Variants in SMU1 observed in about 807,000 individuals in gnomAD.
SMU1 encodes WD40 repeat-containing protein SMU1.
A neutral mutation model predicts 62.0 loss-of-function variants in SMU1; 2 were observed. The observed-to-expected ratio is 0.03, with a 90% CI of 0.01 to 0.10. The LOEUF (loss-of-function observed/expected upper bound fraction) is 0.10. Among genes scored for constraint, SMU1 ranks in the 10% least tolerant of loss-of-function variants. The pLI, the probability that SMU1 is intolerant of heterozygous loss-of-function variation, is 1.00. For synonymous variants in SMU1, 188 were observed against 212.4 expected (o/e 0.89, Z 1.00); for missense variants, 227 against 622.1 (o/e 0.36, Z 6.76).
intron 2 of SMU1, among the ~76,000 whole-genome samples, chr9:33,072,811 A>G (rs560552625): frequency 6.7e-6 from 1 of 148,364 alleles, no homozygotes; most frequent in South Asian, 2.1e-4. Flanking sequence ...CCTGGGTAAC[A>G]CAGTGAGACT....
chr9:33,062,974 T>A (rs1167030894), intron 4 of SMU1, among the ~76,000 whole-genome samples: 1 of 152,158 alleles, frequency 6.6e-6, no homozygotes, highest in East Asian at 1.9e-4. Context: ...GGTGAAATAA[T>A]GAACTTTGGA....
Position 33,047,077 on chromosome 9 carries a change from T to G in SMU1, c.*216A>C. ...AAGATTAATGAAAACATTAAGTGAC[T>G]GCACCAGTTAGAAGAAGATAAACTA... On this transcript the variant is annotated 3_prime_UTR_variant, in exon 12 of 12. Coordinates refer to ENST00000397149, the MANE Select transcript of SMU1 (RefSeq NM_018225.3). 1 of 418,334 alleles carries G rather than the reference T, an allele frequency of 2.4e-6. No homozygotes were observed. Among genetic ancestry groups the G allele is most frequent in the South Asian group, 3.8e-5 (1 of 26,562 alleles). The allele number at this position is 418,334 out of a possible 1,614,324, so 25.9% of individuals were successfully genotyped here.
intron 8 of SMU1, among the ~76,000 whole-genome samples, chr9:33,056,544 A>T (rs143409221): frequency 3.3e-4 from 50 of 152,306 alleles, no homozygotes; most frequent in Non-Finnish European, 6.5e-4. Context: ...CCTTTAGAGT[A>T]TAACAGACCC....
rs779722357 is a variant in SMU1, at chr9:33,068,854, A to G, written c.471T>C (p.Pro157=). ...CCAGCAATGCCATGAGACGAGATGGAGGCACCACACTGACTTCGCCAGCTA... is the reference window on the plus strand; with the variant it reads ...CCAGCAATGCCATGAGACGAGATGGGGGCACCACACTGACTTCGCCAGCTA... ...QALAGEVSVV[P]PSRLMALLGQ... The change falls in exon 4 of 12, where the codon CCT becomes CCC. Residue 157 remains proline, a synonymous_variant. Coordinates refer to ENST00000397149, the MANE Select transcript of SMU1 (RefSeq NM_018225.3). The G allele has an allele frequency of 6.2e-6, 10 of 1,614,020 alleles. No homozygotes were observed. The South Asian group carries it at 1.1e-4, about 18-fold the overall frequency.
intron 10 of SMU1, among the ~76,000 whole-genome samples, chr9:33,051,120 C>CAAAAA (rs1225817487): frequency 2.6e-5 from 1 of 37,926 alleles, no homozygotes; most frequent in African/African-American, 9.4e-5. Flanking sequence ...GACTCTGTCT[C>CAAAAA]AAAAAAAAAA....
At chr9:33,070,488 A>T (rs920104491) in intron 3 of SMU1, among the ~76,000 whole-genome samples, 1 of 152,230 alleles carries the variant, frequency 6.6e-6, no homozygotes, top group Non-Finnish European at 1.5e-5. Context: ...TCCTCAAAAA[A>T]TTAAACATGG....
intron 5 of SMU1, among the ~76,000 whole-genome samples, 178 bp from the exon 6 acceptor site, chr9:33,060,762 TCTGA>T (rs1421468914): frequency 1.3e-5 from 2 of 152,244 alleles, no homozygotes; most frequent in Non-Finnish European, 1.5e-5. Context: ...TGTATTTTTC[TCTGA>T]CTTAGTTTTA....
intron 5 of SMU1, among the ~76,000 whole-genome samples, chr9:33,061,513 TACACTTGTAATTCTGGGAATTACCTAGA>T (rs1245971662): frequency 6.6e-6 from 1 of 151,988 alleles, no homozygotes; most frequent in Non-Finnish European, 1.5e-5. Context: ...AAGTAGCAAA[TACACTTGTAATTCTGGGAATTACCTAGA>T]ACACTTTTTC....
chr9:33,056,876 C>T lies in SMU1; in HGVS notation c.956G>A (p.Ser319Asn), dbSNP rs1359458959. 6.2e-7 allele frequency: 1 copy of T among 1,613,162 alleles called. No individual in the cohort carries two copies. The highest frequency in any genetic ancestry group is 1.1e-5 in the South Asian group (1 of 91,056). The change falls in exon 8 of 12, where the codon AGC (serine) becomes AAC (asparagine). Residue 319 changes from serine to asparagine, a missense_variant. Ser to Asn is a conservative substitution (Grantham distance 46). Transcript: ENST00000397149. ...GVTCLSFSKDSSQILSASFDQ... is the reference protein window; with the variant it reads ...GVTCLSFSKDNSQILSASFDQ... ...AAAAGAAGCACTAAGGATCTGACTG[C>T]TATCCTTAGAAAAGCTTAGACAGGT...
chr9:33,057,449 A>G, intron 7 of SMU1, 149 bp downstream of exon 7: 1 of 970,862 alleles, frequency 1.0e-6, no homozygotes, highest in Non-Finnish European at 1.5e-6. Flanking sequence ...AGTTGCTAAG[A>G]TTACATAAGA....
In SMU1 at chr9:33,072,839, CA is replaced by C. The variant is rs573516773; in HGVS notation, c.237+756del. Among the ~76,000 whole-genome samples the C allele has an allele frequency of 3.2e-4, 45 of 139,072 alleles. 1 individual carries two copies. The highest frequency in any genetic ancestry group is 4.0e-4 in the African/African-American group (15 of 37,198). 91.2% of individuals were successfully genotyped at this position (139,072 alleles called of 152,430 possible). The stretch of plus-strand genomic sequence containing the variant: ...GTGAGACTCTGTCTCAAAAAAAAAA[CA>C]AAAAAAAAAACCCGTAAACAAAAAC... On this transcript the variant is annotated intron_variant, in intron 2 of 11. Coordinates refer to ENST00000397149, the MANE Select transcript of SMU1 (RefSeq NM_018225.3).
chr9:33,058,341 G>C (rs1414605132), intron 6 of SMU1, among the ~76,000 whole-genome samples: 5 of 152,112 alleles, frequency 3.3e-5, no homozygotes, highest in African/African-American at 7.2e-5. Flanking sequence ...TTTTGAGACA[G>C]AGTCTTGCTC....
At chr9:33,053,636 C>T (rs1412719842) in intron 9 of SMU1, among the ~76,000 whole-genome samples, 1 of 152,234 alleles carries the variant, frequency 6.6e-6, no homozygotes, top group African/African-American at 2.4e-5. Context: ...GCCCGCACAC[C>T]ACTTCCTTTG....
In SMU1 at chr9:33,056,831, A is replaced by G; in HGVS notation, c.995+6T>C. On this transcript the variant is annotated splice_donor_region_variant and intron_variant, in intron 8 of 11. Coordinates refer to ENST00000397149, the MANE Select transcript of SMU1 (RefSeq NM_018225.3). ...AAGTGAGAGCAGTTTTGGGATTTTT[A>G]CTTACCTAATTGTCTGGTCAAAAGA... 1 of 1,609,928 alleles carries G rather than the reference A, an allele frequency of 6.2e-7. No individual in the cohort carries two copies. The highest frequency in any genetic ancestry group is 8.5e-7 in the Non-Finnish European group (1 of 1,179,032).
At chr9:33,063,403 A>G (rs568456833) in intron 4 of SMU1, among the ~76,000 whole-genome samples, 16 of 151,190 alleles carry the variant, frequency 1.1e-4, no homozygotes, top group Non-Finnish European at 1.9e-4. Flanking sequence ...ACAAAATAAT[A>G]TAAGTGAAGC....
At position 33,047,297 on chromosome 9, in the gene SMU1, G is replaced by C; in HGVS notation, c.1538C>G (p.Pro513Arg). The C allele has an allele frequency of 6.2e-7, 1 of 1,601,380 alleles. No individual in the cohort carries two copies. Among genetic ancestry groups the C allele is most frequent in the South Asian group, 1.1e-5 (1 of 90,602 alleles). The change falls in exon 12 of 12, where the codon CCA becomes CGA. Residue 513 changes from proline to arginine, a missense_variant. This residue lies in a region of SMU1 where 25 missense variants were observed against 116.2 expected (regional missense o/e 0.22). Transcript: ENST00000397149. ...GATTTAAAAAGAAAAGTTGAATTAT[G>C]GTTTCCAGAGCTTTAGGAGTCCATC... ...SEDGLLKLWK[P>R]
rs138927689 is a variant in SMU1 at position 33,060,459 on chromosome 9, C to G, written c.750+6G>C. On this transcript the variant is annotated splice_donor_region_variant and intron_variant, in intron 6 of 11. Coordinates refer to ENST00000397149, the MANE Select transcript of SMU1 (RefSeq NM_018225.3). ...TAGGAAGGTTAACACATTTAAAATA[C>G]TTTACCTTTCTGATTTTTCCAGTAG... is the stretch of plus-strand genomic sequence containing the variant. The G allele has an allele frequency of 4.1e-4, 657 of 1,595,756 alleles. 3 individuals carry two copies. The African/African-American group carries it at 7.6e-3, about 19-fold the overall frequency.
rs1403989181 is a variant in SMU1, at chr9:33,047,267, G to A, written c.*26C>T. The A allele has an allele frequency of 4.0e-6, 6 of 1,508,020 alleles. No homozygotes were observed. The highest frequency in any genetic ancestry group is 1.7e-5 in the Admixed American group (1 of 58,014). The allele number at this position is 1,508,020 out of a possible 1,614,324, so 93.4% of individuals were successfully genotyped here. On this transcript the variant is annotated 3_prime_UTR_variant, in exon 12 of 12. Coordinates refer to ENST00000397149, the MANE Select transcript of SMU1 (RefSeq NM_018225.3). ...ATGCTTCATTTAAGTACATGCTTTC[G>A]AGCTGATTTAAAAAGAAAAGTTGAA...
Position 33,041,770 on chromosome 9 carries a change from A to G in SMU1, c.*5523T>C, listed in dbSNP as rs1023765577. On this transcript the variant is annotated 3_prime_UTR_variant, in exon 12 of 12. Transcript: ENST00000397149. ...ACAGCCATTAAAAGGAATACTTTTT[A>G]TACTTCCCCCAAATATGAAGCACTT... 1 of 152,190 alleles carries G rather than the reference A, an allele frequency of 6.6e-6. No individual in the cohort carries two copies. The highest frequency in any genetic ancestry group is 1.5e-5 in the Non-Finnish European group (1 of 68,030). 9.4% of individuals were successfully genotyped at this position (152,190 alleles called of 1,614,324 possible).
Sources: gnomAD v4.1 joint callset for allele counts (sites outside exome capture counted in the v4.1 genomes callset) on GRCh38, gnomAD v4.1.1 for gene constraint, gnomAD v4.1.1 regional missense constraint, MANE v1.5 for transcripts, NCBI Gene and HGNC (gene_info 2026-07-23, HGNC 2026-07-21) for gene names.